Variants in ADGRL2 observed in about 807,000 individuals in gnomAD.
ADGRL2 encodes the protein adhesion G protein-coupled receptor L2.
A neutral mutation model predicts 157.4 loss-of-function variants in ADGRL2; 44 were observed. The ratio of observed to expected loss-of-function variants is 0.28; its 90% confidence interval spans 0.22 to 0.36. The LOEUF (loss-of-function observed/expected upper bound fraction) is 0.36. Ranked by LOEUF, ADGRL2 falls within the 10% of genes least tolerant of loss-of-function variation. The probability of loss-of-function intolerance (pLI) is 1.00; values close to 1 mark genes in which losing one functional copy is unlikely to be tolerated. For synonymous variants in ADGRL2, 585 were observed against 624.7 expected (o/e 0.94, Z 0.95); for missense variants, 1,510 against 1,768.9 (o/e 0.85, Z 2.63).
intron 1 of ADGRL2, among the ~76,000 whole-genome samples, chr1:81,395,567 T>A (rs1054402200): frequency 6.6e-6 from 1 of 152,210 alleles, no homozygotes; most frequent in African/African-American, 2.4e-5. Flanking sequence ...ATAACCCCGT[T>A]TGTCTATTCT....
intron 3 of ADGRL2, among the ~76,000 whole-genome samples, chr1:81,617,577 T>TG (rs2081687757): frequency 6.6e-6 from 1 of 152,254 alleles, no homozygotes; most frequent in Non-Finnish European, 1.5e-5. Context: ...TTTGAGTACT[T>TG]GCTTTCCACC....
chr1:81,650,600 G>T (rs950662771), intron 3 of ADGRL2, among the ~76,000 whole-genome samples: 2 of 148,392 alleles, frequency 1.3e-5, no homozygotes, highest in Admixed American at 1.3e-4. Context: ...AAAAGAAAAA[G>T]AAAAGAAAAG....
chr1:81,537,553 T>C (rs1209090132), intron 2 of ADGRL2, among the ~76,000 whole-genome samples: 2 of 152,176 alleles, frequency 1.3e-5, no homozygotes, highest in Non-Finnish European at 2.9e-5. Context: ...CCCAAAGTGC[T>C]GGAATTACAG....
At position 81,342,153 on chromosome 1, in the gene ADGRL2, A is replaced by T. The variant is rs1662120002; in HGVS notation, c.-302+35644A>T. Among the ~76,000 whole-genome samples the T allele has an allele frequency of 2.0e-5, 3 of 152,218 alleles. No individual in the cohort carries two copies. In the South Asian group the frequency reaches 6.2e-4, roughly 32 times the overall value. ...ACAACAAGCATAGGTATTTAACAGC[A>T]GATAACCATTTTAAGAACAACCAAA... On this transcript the variant is annotated intron_variant, in intron 1 of 24. Coordinates refer to the ADGRL2 transcript ENST00000370721.
intron 2 of ADGRL2, among the ~76,000 whole-genome samples, chr1:81,527,164 A>G (rs1489589702): frequency 6.6e-6 from 1 of 152,222 alleles, no homozygotes; most frequent in African/African-American, 2.4e-5. Context: ...TAAAATACCA[A>G]CCTGGTTCTG....
At chr1:81,752,218 A>C (rs2149270085) in intron 1 of ADGRL2, among the ~76,000 whole-genome samples, 1 of 152,294 alleles carries the variant, frequency 6.6e-6, no homozygotes, top group South Asian at 2.1e-4. Context: ...TCTGTGAGGA[A>C]GTCCAAGCGG....
chr1:81,813,522 G>A (rs2090084273), intron 1 of ADGRL2, among the ~76,000 whole-genome samples: 1 of 151,448 alleles, frequency 6.6e-6, no homozygotes, highest in African/African-American at 2.4e-5. Flanking sequence ...TTCTCTCAGC[G>A]TGGCCCCGTA....
intron 2 of ADGRL2, among the ~76,000 whole-genome samples, chr1:81,468,158 A>G (rs1163028855): frequency 6.6e-6 from 1 of 152,178 alleles, no homozygotes; most frequent in Admixed American, 6.5e-5. Flanking sequence ...GTTCTCCATT[A>G]TATCTAGGGA....
intron 2 of ADGRL2, among the ~76,000 whole-genome samples, chr1:81,774,137 C>A (rs947330545): frequency 4.0e-5 from 6 of 150,950 alleles, no homozygotes; most frequent in Non-Finnish European, 5.9e-5. Context: ...TTTGTTATGG[C>A]AGCCCTAGCA....
At chr1:81,692,322 A>C (rs1014878452) in intron 3 of ADGRL2, among the ~76,000 whole-genome samples, 4 of 152,130 alleles carry the variant, frequency 2.6e-5, no homozygotes, top group Non-Finnish European at 4.4e-5. Flanking sequence ...ATAAATAAAT[A>C]AATCAAATCA....
chr1:81,397,872 AT>A (rs1359516726), intron 1 of ADGRL2, among the ~76,000 whole-genome samples: 1 of 152,100 alleles, frequency 6.6e-6, no homozygotes, highest in South Asian at 2.1e-4. Flanking sequence ...TTCTTGGTTG[AT>A]TTTTTCGTCT....
chr1:81,531,513 T>C (rs529450830), intron 2 of ADGRL2, among the ~76,000 whole-genome samples: 367 of 152,332 alleles, frequency 2.4e-3, no homozygotes, highest in African/African-American at 8.5e-3. Flanking sequence ...GAATAAATAA[T>C]GTATTCATCT....
Position 81,971,932 on chromosome 1 carries a change from G to GT in ADGRL2, c.3021+18dup. 2 of 1,590,330 alleles carry GT rather than the reference G, an allele frequency of 1.3e-6. No individual in the cohort carries two copies. The highest frequency in any genetic ancestry group is 1.7e-6 in the Non-Finnish European group (2 of 1,161,782). ...TTCATTATTCTGGTAAGCAGGTTCT[G>GT]TTTTCCCTTGCTTTTTAGCTTGCTG... On this transcript the variant is annotated intron_variant, in intron 17 of 23. Coordinates refer to ENST00000686636, the MANE Select transcript of ADGRL2 (RefSeq NM_001366006.2).
At chr1:81,611,315 A>G (rs1000239818) in intron 3 of ADGRL2, among the ~76,000 whole-genome samples, 14 of 152,336 alleles carry the variant, frequency 9.2e-5, no homozygotes, top group African/African-American at 3.1e-4. Flanking sequence ...GATTCACACT[A>G]TGACTTTGGA....
At chr1:81,937,167 A>G (rs1240639988) in intron 4 of ADGRL2, among the ~76,000 whole-genome samples, 1 of 151,940 alleles carries the variant, frequency 6.6e-6, no homozygotes, top group African/African-American at 2.4e-5. Flanking sequence ...TTTGGCTCAC[A>G]GTTTTCTAAA....
intron 1 of ADGRL2, chr1:81,427,293 G>T: frequency 1.4e-6 from 1 of 732,714 alleles, no homozygotes. Flanking sequence ...AATGGACTTA[G>T]AGGCGATGGT....
At chr1:81,779,057 T>C (rs925534690) in intron 2 of ADGRL2, among the ~76,000 whole-genome samples, 2 of 152,212 alleles carry the variant, frequency 1.3e-5, no homozygotes, top group Admixed American at 1.3e-4. Flanking sequence ...TTTCAATTTT[T>C]AGTTAATGTC....
chr1:81,815,081 AT>A (rs1362484516), intron 1 of ADGRL2, among the ~76,000 whole-genome samples: 2 of 151,382 alleles, frequency 1.3e-5, no homozygotes, highest in South Asian at 2.1e-4. Flanking sequence ...TGCTAAAACT[AT>A]TTTTTTTGAG....
At chr1:81,323,479 C>T (rs1660678850) in intron 1 of ADGRL2, among the ~76,000 whole-genome samples, 1 of 147,672 alleles carries the variant, frequency 6.8e-6, no homozygotes, top group Admixed American at 6.9e-5. Flanking sequence ...TCTTGAACTC[C>T]TGGACTCAAA....
Sources: gnomAD v4.1 joint callset for allele counts (sites outside exome capture counted in the v4.1 genomes callset) on GRCh38, gnomAD v4.1.1 for gene constraint, MANE v1.5 for transcripts, NCBI Gene and HGNC (gene_info 2026-07-23, HGNC 2026-07-21) for gene names.